DAB1: variants seen among roughly 807,000 people sequenced by gnomAD.
DAB1 encodes DAB adaptor protein 1, also known as disabled homolog 1.
DAB1 carries 15 observed loss-of-function variants against 64.6 expected under a neutral mutation model. The ratio of observed to expected loss-of-function variants is 0.23; its 90% CI spans 0.16 to 0.36. DAB1 has a LOEUF of 0.36. Among genes scored for constraint, DAB1 ranks in the 10% least tolerant of loss-of-function variants. The pLI is 1.00. For missense variants in DAB1, 596 were observed against 706.7 expected (o/e 0.84, Z 1.78); for synonymous variants, 235 against 251.9 (o/e 0.93, Z 0.64).
chr1:58,275,604 C>T lies in DAB1; in HGVS notation n.309+67748G>A, dbSNP rs188415063. Among the ~76,000 whole-genome samples, 79 of 152,146 alleles carry T rather than the reference C, an allele frequency of 5.2e-4. 1 individual carries two copies. The highest frequency in any genetic ancestry group is 6.8e-3 in the Middle Eastern group (2 of 294). On this transcript the variant is annotated intron_variant and non_coding_transcript_variant, in intron 4 of 20. Transcript: ENST00000485760. ...ATCATTGGGAAAATGCAAATCAAAA[C>T]CACAGTGAGATAGCAACTTATACTC...
intron 6 of DAB1, among the ~76,000 whole-genome samples, chr1:57,703,878 C>T (rs1199318171): frequency 6.6e-6 from 1 of 152,124 alleles, no homozygotes; most frequent in Non-Finnish European, 1.5e-5. Context: ...GAGATCATGT[C>T]CTTTGCAGGG....
intron 6 of DAB1, among the ~76,000 whole-genome samples, chr1:57,702,445 C>G (rs1646917980): frequency 6.6e-6 from 1 of 152,122 alleles, no homozygotes; most frequent in Non-Finnish European, 1.5e-5. Flanking sequence ...CTCCAGGATG[C>G]CATTTCTAGT....
chr1:58,125,683 C>A (rs1653022532), intron 5 of DAB1, among the ~76,000 whole-genome samples: 1 of 152,140 alleles, frequency 6.6e-6, no homozygotes, highest in East Asian at 1.9e-4. Flanking sequence ...TAGGCTCAAA[C>A]AATCCACCTG....
intron 5 of DAB1, among the ~76,000 whole-genome samples, chr1:58,132,280 G>A (rs995674453): frequency 3.3e-5 from 5 of 152,252 alleles, no homozygotes; most frequent in African/African-American, 9.6e-5. Context: ...GACCCCTTGC[G>A]CTTCCCAAGT....
chr1:57,134,175 G>C (rs1221778375), intron 4 of DAB1, among the ~76,000 whole-genome samples: 1 of 152,116 alleles, frequency 6.6e-6, no homozygotes, highest in Admixed American at 6.6e-5. Flanking sequence ...TGATAGAAAA[G>C]CCTTCTTACT....
In DAB1 at chr1:57,975,696, G is replaced by C. The variant is rs528484666; in HGVS notation, n.388-91534C>G. On this transcript the variant is annotated intron_variant and non_coding_transcript_variant, in intron 5 of 20. Transcript: ENST00000485760. ...ACAAAGGCCCAGACTCATGACACCA[G>C]AATCTCTAAGGGTGGGATCCGATGA... Among the ~76,000 whole-genome samples, 6 of 152,304 alleles carry C rather than the reference G, an allele frequency of 3.9e-5. No individual in the cohort carries two copies. In the South Asian group the frequency reaches 1.2e-3, roughly 32 times the overall value.
At chr1:57,607,872 A>C (rs1229844907) in intron 7 of DAB1, among the ~76,000 whole-genome samples, 1 of 152,194 alleles carries the variant, frequency 6.6e-6, no homozygotes, top group African/African-American at 2.4e-5. Flanking sequence ...CAGTCCAGTA[A>C]TGACTGTCAG....
At chr1:57,649,342 AG>A (rs780276154) in intron 7 of DAB1, among the ~76,000 whole-genome samples, 1 of 152,204 alleles carries the variant, frequency 6.6e-6, no homozygotes, top group Non-Finnish European at 1.5e-5. Context: ...GACATTTTCT[AG>A]GTACCTAAAG....
chr1:58,538,074 G>C (rs1646546002), intron 1 of DAB1, among the ~76,000 whole-genome samples: 1 of 152,142 alleles, frequency 6.6e-6, no homozygotes, highest in South Asian at 2.1e-4. Flanking sequence ...CTTGGTTTTT[G>C]ATCAAAAGCA....
intron 7 of DAB1, among the ~76,000 whole-genome samples, chr1:57,586,530 G>A (rs953790295): frequency 2.0e-5 from 3 of 149,596 alleles, no homozygotes; most frequent in Admixed American, 6.7e-5. Flanking sequence ...ACTTCATGGC[G>A]AACCATGCTG....
At chr1:58,379,414 A>G (rs889759645) in intron 3 of DAB1, among the ~76,000 whole-genome samples, 1 of 152,252 alleles carries the variant, frequency 6.6e-6, no homozygotes, top group Non-Finnish European at 1.5e-5. Context: ...TATACCCTCT[A>G]GCCATGGATT....
At chr1:57,988,178 T>C (rs190649858) in intron 5 of DAB1, among the ~76,000 whole-genome samples, 3 of 152,164 alleles carry the variant, frequency 2.0e-5, no homozygotes, top group East Asian at 3.9e-4. Flanking sequence ...GCAAGCAGCG[T>C]AGTGAGAAAA....
At chr1:57,606,592 T>TA (rs1491236554) in intron 7 of DAB1, among the ~76,000 whole-genome samples, 2 of 48,944 alleles carry the variant, frequency 4.1e-5, no homozygotes, top group South Asian at 6.5e-4. Flanking sequence ...ATATAATATA[T>TA]TATATATTAT....
intron 7 of DAB1, among the ~76,000 whole-genome samples, chr1:57,567,242 A>C (rs1233646091): frequency 6.6e-6 from 1 of 152,126 alleles, no homozygotes; most frequent in Non-Finnish European, 1.5e-5. Context: ...CATGCTAAAA[A>C]CTCTCAATAA....
intron 1 of DAB1, among the ~76,000 whole-genome samples, chr1:57,406,754 C>T (rs751830317): frequency 6.6e-6 from 1 of 152,212 alleles, no homozygotes; most frequent in Non-Finnish European, 1.5e-5. Flanking sequence ...ATGCAGCCAA[C>T]AGGATAGAAA....
intron 6 of DAB1, among the ~76,000 whole-genome samples, chr1:57,774,369 T>C (rs951629682): frequency 9.9e-5 from 15 of 151,874 alleles, no homozygotes; most frequent in Admixed American, 7.9e-4. Context: ...TAAAATTTTC[T>C]ACATCTGTGA....
At chr1:58,462,358 C>T (rs1008913152) in intron 3 of DAB1, among the ~76,000 whole-genome samples, 21 of 152,028 alleles carry the variant, frequency 1.4e-4, no homozygotes, top group Admixed American at 1.2e-3. Flanking sequence ...GATCTCCTGA[C>T]CTCATGATCC....
chr1:57,220,554 A>G (rs953209639), intron 2 of DAB1, among the ~76,000 whole-genome samples: 3 of 152,222 alleles, frequency 2.0e-5, no homozygotes, highest in Non-Finnish European at 4.4e-5. Flanking sequence ...GCCTTAGAGA[A>G]GTTATAACAC....
At chr1:58,314,525 G>A (rs555699925) in intron 4 of DAB1, among the ~76,000 whole-genome samples, 2 of 152,138 alleles carry the variant, frequency 1.3e-5, no homozygotes, top group African/African-American at 4.8e-5. Flanking sequence ...TTGTACTTAC[G>A]ATTGAGTCGT....
Sources: allele counts gnomAD v4.1 joint callset (sites outside exome capture counted in the v4.1 genomes callset), GRCh38; gene constraint gnomAD v4.1.1; transcripts MANE v1.5; gene names NCBI Gene and HGNC (gene_info 2026-07-23, HGNC 2026-07-21).